The following APOLD1 variants were observed in gnomAD, a reference collection of about 807,000 sequenced individuals.
APOLD1 encodes apolipoprotein L domain containing 1.
Under a neutral mutation model 15.3 loss-of-function variants are expected in APOLD1, and 22 were observed. That is an observed-to-expected ratio of 1.44 (90% CI 1.03 to 2.05). APOLD1 has a LOEUF of 2.05. APOLD1 is among the 30% of genes most tolerant of loss of function. The pLI, the probability that APOLD1 is intolerant of heterozygous loss-of-function variation, is 0.00. For missense variants in APOLD1, 394 were observed against 353.5 expected, an observed-to-expected ratio of 1.11 and a Z score of -0.92; for synonymous variants, 190 against 167.4, an observed-to-expected ratio of 1.13 and a Z score of -1.04.
intron 1 of APOLD1, among the ~76,000 whole-genome samples, chr12:12,762,141 G>A (rs1320954987): frequency 2.0e-5 from 3 of 152,030 alleles, no homozygotes; most frequent in Non-Finnish European, 4.4e-5. Context: ...AGTGCCTAGA[G>A]ACTAGCAATG....
At chr12:12,755,804 G>T (rs944885625) in intron 1 of APOLD1, among the ~76,000 whole-genome samples, 2 of 152,222 alleles carry the variant, frequency 1.3e-5, no homozygotes, top group African/African-American at 4.8e-5. Context: ...TTGCGCCACT[G>T]CGCTCTAACC....
chr12:12,743,302 G>C (rs1328049723), intron 1 of APOLD1, among the ~76,000 whole-genome samples: 1 of 152,124 alleles, frequency 6.6e-6, no homozygotes, highest in Non-Finnish European at 1.5e-5. Context: ...AGGCTGAGAT[G>C]GAGAATCTCT....
At chr12:12,743,668 G>A (rs1157015046) in intron 1 of APOLD1, among the ~76,000 whole-genome samples, 3 of 152,146 alleles carry the variant, frequency 2.0e-5, no homozygotes, top group Admixed American at 6.6e-5. Flanking sequence ...GGCAAAGGGG[G>A]GATTAAGGTT....
At chr12:12,766,501 AAG>A (rs960503107) in intron 1 of APOLD1, among the ~76,000 whole-genome samples, 1 of 152,180 alleles carries the variant, frequency 6.6e-6, no homozygotes, top group African/African-American at 2.4e-5. Flanking sequence ...AAAATTTAAA[AAG>A]AGATTTCTGA....
At chr12:12,781,344 T>C (rs541052607), upstream of APOLD1, among the ~76,000 whole-genome samples, 1 of 151,984 alleles carries the variant, frequency 6.6e-6, no homozygotes, top group African/African-American at 2.4e-5. Context: ...CTTGGGAGGC[T>C]GAGACAGGAG....
chr12:12,780,434 C>G (rs1947070911), intron 1 of APOLD1, among the ~76,000 whole-genome samples: 1 of 151,800 alleles, frequency 6.6e-6, no homozygotes, highest in Admixed American at 6.6e-5. Context: ...TCCCGAAGTG[C>G]TGGGATTACA....
chr12:12,751,631 G>T (rs117704471), intron 1 of APOLD1, among the ~76,000 whole-genome samples: 1 of 152,212 alleles, frequency 6.6e-6, no homozygotes, highest in Non-Finnish European at 1.5e-5. Context: ...GACTATAGGC[G>T]TGAGCCAGCA....
chr12:12,782,213 C>T (rs1011276536), upstream of APOLD1, among the ~76,000 whole-genome samples: 7 of 151,966 alleles, frequency 4.6e-5, no homozygotes, highest in African/African-American at 4.8e-5. Flanking sequence ...GAGCCGAGAT[C>T]GCACCACTGC....
chr12:12,727,669 C>T (rs943986141), intron 1 of APOLD1, among the ~76,000 whole-genome samples: 1 of 150,502 alleles, frequency 6.6e-6, no homozygotes, highest in African/African-American at 2.4e-5. Context: ...GTGGTGTGGT[C>T]ATGTCTCACT....
At chr12:12,728,403 C>T (rs539751130) in intron 1 of APOLD1, among the ~76,000 whole-genome samples, 2 of 152,214 alleles carry the variant, frequency 1.3e-5, no homozygotes, top group South Asian at 4.1e-4. Context: ...CATTGGCTTA[C>T]ACCTGTAATC....
chr12:12,730,026 TTG>T (rs749843349), intron 1 of APOLD1, among the ~76,000 whole-genome samples: 2,565 of 117,508 alleles, frequency 0.022, 30 homozygotes, highest in East Asian at 0.05. Context: ...CCAGCTAACT[TTG>T]TGTGTGTGTG....
At chr12:12,752,608 A>G (rs1946820423) in intron 1 of APOLD1, among the ~76,000 whole-genome samples, 1 of 152,188 alleles carries the variant, frequency 6.6e-6, no homozygotes, top group Non-Finnish European at 1.5e-5. Context: ...GTAGTGGAGA[A>G]AATTTAAAAA....
rs1565440103 is a variant in APOLD1, at chr12:12,788,947, G to A, written c.*1295G>A. 1 of 152,006 alleles carries A rather than the reference G, an allele frequency of 6.6e-6. No homozygotes were observed. Among genetic ancestry groups the A allele is most frequent in the Non-Finnish European group, 1.5e-5 (1 of 68,004 alleles). The allele number at this position is 152,006 out of a possible 1,614,324, so 9.4% of individuals were successfully genotyped here. Reference sequence around the variant, plus strand: ...ACCCTGGGGCAGTGTCTCACCGTATGAACAAGGGATGTAACACTAAAAGCC... The same window carrying A: ...ACCCTGGGGCAGTGTCTCACCGTATAAACAAGGGATGTAACACTAAAAGCC... On this transcript the variant is annotated 3_prime_UTR_variant, in exon 2 of 2. Transcript: ENST00000356591.
intron 1 of APOLD1, among the ~76,000 whole-genome samples, chr12:12,769,175 C>A (rs974928515): frequency 1.4e-5 from 2 of 147,120 alleles, no homozygotes; most frequent in Non-Finnish European, 3.0e-5. Flanking sequence ...CTGCAGTGGG[C>A]CATGATTATA....
intron 1 of APOLD1, among the ~76,000 whole-genome samples, chr12:12,757,375 C>A (rs1456660695): frequency 6.6e-6 from 1 of 152,212 alleles, no homozygotes; most frequent in Non-Finnish European, 1.5e-5. Flanking sequence ...GTTCAGCTAA[C>A]CCCGCATGAC....
intron 1 of APOLD1, among the ~76,000 whole-genome samples, chr12:12,749,748 C>T (rs578148201): frequency 1.3e-5 from 2 of 152,262 alleles, no homozygotes; most frequent in African/African-American, 4.8e-5. Context: ...TTCTGTAACC[C>T]GGGTTTTTGA....
chr12:12,745,208 A>G (rs557075787), intron 1 of APOLD1, among the ~76,000 whole-genome samples: 65 of 152,312 alleles, frequency 4.3e-4, no homozygotes, highest in African/African-American at 1.6e-3. Context: ...TCTACCCAAC[A>G]CAAAATGAGG....
rs569827508 is a variant in APOLD1, at chr12:12,787,982, C to T, written c.*330C>T. On this transcript the variant is annotated 3_prime_UTR_variant, in exon 2 of 2. Coordinates refer to ENST00000356591, the MANE Select transcript of APOLD1 (RefSeq NM_030817.3). This position sits in a 1 kb window ranked among gnomAD's most constrained non-coding sequence, Gnocchi z 4.9. Reference sequence around the variant, plus strand: ...TTATTTCGGGGTCCCTGACCCTGCCCTGGTGGCTTGGCCTGAGACTGGAGA... The same window carrying T: ...TTATTTCGGGGTCCCTGACCCTGCCTTGGTGGCTTGGCCTGAGACTGGAGA... 4.4e-5 allele frequency: 11 copies of T among 251,800 alleles called. No individual in the cohort carries two copies. The South Asian group carries it at 6.6e-4, about 15-fold the overall frequency. The allele number at this position is 251,800 out of a possible 1,614,324, so 15.6% of individuals were successfully genotyped here. A position where few individuals can be genotyped will look rare whatever the true frequency, so the allele number is the denominator to read the frequency against.
rs574096865 is a variant in APOLD1 at position 12,736,923 on chromosome 12, G to T, written c.96+10827G>T. Among the ~76,000 whole-genome samples, 5 of 152,288 alleles carry T rather than the reference G, an allele frequency of 3.3e-5. No homozygotes were observed. The South Asian group carries it at 1.0e-3, about 32-fold the overall frequency. ...CCTCGCCAGCCTCCTGCTCCACCCCGCTACCAGTCTTAGCTGGAGCTCCCT... is the reference window on the plus strand; with the variant it reads ...CCTCGCCAGCCTCCTGCTCCACCCCTCTACCAGTCTTAGCTGGAGCTCCCT... On this transcript the variant is annotated intron_variant, in intron 1 of 1. Transcript: ENST00000326765.
Sources: allele counts gnomAD v4.1 joint callset (sites outside exome capture counted in the v4.1 genomes callset), GRCh38; gene constraint gnomAD v4.1.1; non-coding constraint Gnocchi (gnomAD v3.1); transcripts MANE v1.5; gene names NCBI Gene and HGNC (gene_info 2026-07-23, HGNC 2026-07-21).